FHOD3: variants seen among roughly 807,000 people sequenced by gnomAD.
The protein encoded by FHOD3 is formin homology 2 domain containing 3.
FHOD3 carries 90 observed loss-of-function variants against 173.0 expected under a neutral mutation model. That is an observed-to-expected ratio of 0.52 (90% CI 0.44 to 0.62). The LOEUF (loss-of-function observed/expected upper bound fraction) is 0.62. FHOD3 is among the 20% of genes least tolerant of loss of function. The pLI, the probability that FHOD3 is intolerant of heterozygous loss-of-function variation, is 0.00. For synonymous variants in FHOD3, 828 were observed against 823.0 expected (o/e 1.01, Z -0.10); for missense variants, 1,945 against 2,034.7 (o/e 0.96, Z 0.85).
chr18:36,703,829 A>G (rs752071921), intron 17 of FHOD3, among the ~76,000 whole-genome samples: 2 of 152,172 alleles, frequency 1.3e-5, no homozygotes, highest in Non-Finnish European at 2.9e-5. Flanking sequence ...CACATTCTCC[A>G]TCTGACGGGG....
At chr18:36,591,637 G>T (rs1177063513) in intron 6 of FHOD3, among the ~76,000 whole-genome samples, 8 of 152,230 alleles carry the variant, frequency 5.3e-5, no homozygotes, top group Admixed American at 5.2e-4. Context: ...GATAGAAAAG[G>T]CCGAGTGTAG....
chr18:36,727,298 G>A (rs1245584837), intron 19 of FHOD3, among the ~76,000 whole-genome samples: 1 of 152,156 alleles, frequency 6.6e-6, no homozygotes, highest in African/African-American at 2.4e-5. Context: ...TAGGCACAGA[G>A]AGCTCTGCCT....
At chr18:36,340,122 G>C (rs2045537769) in intron 1 of FHOD3, among the ~76,000 whole-genome samples, 1 of 152,168 alleles carries the variant, frequency 6.6e-6, no homozygotes, top group African/African-American at 2.4e-5. Flanking sequence ...GTGAACAACA[G>C]GGATTTTTAA....
intron 5 of FHOD3, among the ~76,000 whole-genome samples, chr18:36,516,665 G>T (rs994218590): frequency 1.3e-5 from 2 of 152,226 alleles, no homozygotes; most frequent in Non-Finnish European, 2.9e-5. Context: ...GATCACTTGA[G>T]CCTAGGAATT....
chr18:36,449,805 A>G (rs532377127), intron 3 of FHOD3, among the ~76,000 whole-genome samples: 17 of 152,282 alleles, frequency 1.1e-4, no homozygotes, highest in African/African-American at 3.6e-4. Flanking sequence ...TGATTGATTT[A>G]TTATTAAATG....
chr18:36,337,526 T>G (rs988882970), intron 1 of FHOD3, among the ~76,000 whole-genome samples: 3 of 152,218 alleles, frequency 2.0e-5, no homozygotes, highest in Admixed American at 2.0e-4. Flanking sequence ...TGCTGTCCCC[T>G]GCATGTGGCT....
chr18:36,402,542 CACAT>C (rs1396198387), intron 3 of FHOD3, among the ~76,000 whole-genome samples: 2 of 151,592 alleles, frequency 1.3e-5, no homozygotes, highest in African/African-American at 2.4e-5. Context: ...CACACACACA[CACAT>C]ATGAAAATAC....
intron 5 of FHOD3, among the ~76,000 whole-genome samples, chr18:36,527,305 A>G (rs1011140752): frequency 1.3e-5 from 2 of 152,214 alleles, no homozygotes; most frequent in East Asian, 1.9e-4. Flanking sequence ...TAATCATGCA[A>G]TGAGAAGAAG....
chr18:36,541,265 A>T (rs2057204438), intron 5 of FHOD3, among the ~76,000 whole-genome samples: 1 of 147,952 alleles, frequency 6.8e-6, no homozygotes, highest in Non-Finnish European at 1.5e-5. Flanking sequence ...AAAAAAAAAA[A>T]AAAAAAAGAA....
chr18:36,486,365 C>T (rs1213968658), intron 3 of FHOD3, among the ~76,000 whole-genome samples: 2 of 152,160 alleles, frequency 1.3e-5, no homozygotes, highest in Non-Finnish European at 2.9e-5. Context: ...ATAGGATGTT[C>T]TTGTTTTTGT....
chr18:36,755,397 CTTTT>C (rs200164880), intron 25 of FHOD3, 86 bp downstream of exon 25: 430 of 212,392 alleles, frequency 2.0e-3, no homozygotes, highest in South Asian at 2.7e-3. Context: ...AAAAGCTGTG[CTTTT>C]TTTTTTTTTT....
At chr18:36,423,947 AC>A (rs1452511156) in intron 3 of FHOD3, among the ~76,000 whole-genome samples, 1 of 152,156 alleles carries the variant, frequency 6.6e-6, no homozygotes, top group Non-Finnish European at 1.5e-5. Flanking sequence ...ATATTAGGGG[AC>A]AATTTGAGCA....
chr18:36,613,195 C>CA (rs1255910075), intron 9 of FHOD3, among the ~76,000 whole-genome samples: 1 of 152,220 alleles, frequency 6.6e-6, no homozygotes, highest in East Asian at 1.9e-4. Flanking sequence ...TGCCTATCAC[C>CA]AGTCTACCAG....
At chr18:36,379,322 T>C (rs963104311) in intron 3 of FHOD3, among the ~76,000 whole-genome samples, 1 of 152,202 alleles carries the variant, frequency 6.6e-6, no homozygotes, top group African/African-American at 2.4e-5. Context: ...AAAGCAGATA[T>C]CTCAGGGTCT....
At chr18:36,687,928 A>G (rs11663891) in intron 16 of FHOD3, among the ~76,000 whole-genome samples, 21,804 of 152,270 alleles carry the variant, frequency 0.14, 1,837 homozygotes, top group Non-Finnish European at 0.19. Context: ...ACAATTTTGT[A>G]AGAAAAACAT....
chr18:36,691,193 T>C (rs989777040), intron 16 of FHOD3, among the ~76,000 whole-genome samples: 1 of 152,076 alleles, frequency 6.6e-6, no homozygotes, highest in Non-Finnish European at 1.5e-5. Flanking sequence ...GGACCAGGAA[T>C]GAGCCAGCAA....
chr18:36,723,543 T>C (rs985680861), intron 19 of FHOD3, among the ~76,000 whole-genome samples: 5 of 152,214 alleles, frequency 3.3e-5, no homozygotes, highest in African/African-American at 9.6e-5. Context: ...GTTTTGAAAA[T>C]ATCCTGTGGC....
chr18:36,508,425 CTAAT>C (rs1253263376), intron 4 of FHOD3, among the ~76,000 whole-genome samples: 2 of 151,996 alleles, frequency 1.3e-5, no homozygotes, highest in African/African-American at 4.8e-5. Context: ...ATAAAATAAA[CTAAT>C]TAACTTGGAA....
chr18:36,597,323 A>G (rs1290202105), intron 7 of FHOD3, among the ~76,000 whole-genome samples: 2 of 152,230 alleles, frequency 1.3e-5, no homozygotes, highest in Non-Finnish European at 2.9e-5. Context: ...CTCTCCATCA[A>G]GATAAAACAA....
Sources: gnomAD v4.1 joint callset for allele counts (sites outside exome capture counted in the v4.1 genomes callset) on GRCh38, gnomAD v4.1.1 for gene constraint, MANE v1.5 for transcripts, NCBI Gene and HGNC (gene_info 2026-07-23, HGNC 2026-07-21) for gene names.